The following VWCE variants were observed in gnomAD, a reference collection of about 807,000 sequenced individuals.
VWCE encodes von Willebrand factor C and EGF domain-containing protein.
VWCE carries 68 observed loss-of-function variants against 102.9 expected under a neutral mutation model. The observed-to-expected ratio is 0.66, with a 90% CI of 0.54 to 0.81. The LOEUF is 0.81. Ranked by LOEUF, VWCE falls within the 30% of genes least tolerant of loss-of-function variation. The pLI, the probability that VWCE is intolerant of heterozygous loss-of-function variation, is 0.00. For missense variants in VWCE, 1,137 were observed against 1,263.6 expected, an observed-to-expected ratio of 0.90 and a Z score of 1.52; for synonymous variants, 497 against 515.4, an observed-to-expected ratio of 0.96 and a Z score of 0.48.
Position 61,294,935 on chromosome 11 carries a change from C to A in VWCE, c.103G>T (p.Ala35Ser), listed in dbSNP as rs1374818191. 1 of 1,439,148 alleles carries A rather than the reference C, an allele frequency of 6.9e-7. No homozygotes were observed. Among genetic ancestry groups the A allele is most frequent in the Non-Finnish European group, 9.1e-7 (1 of 1,094,788 alleles). 89.1% of individuals were successfully genotyped at this position (1,439,148 alleles called of 1,614,324 possible). Residue 35 changes from alanine (A) to serine (S), a missense_variant, in exon 1 of 20, where the codon GCC (alanine) becomes TCC (serine). Physicochemically the swap from Ala to Ser is moderately conservative, Grantham distance 99. Around this residue, in one of 5 missense-constraint regions of VWCE, gnomAD observed 575 missense variants for 625.9 expected, o/e 0.92. Transcript: ENST00000335613. This position sits in a 1 kb window ranked among gnomAD's most constrained non-coding sequence, Gnocchi z 6.3. ...GGAGCTCCGGGCGCTTACCTCTCGGCCGCGAAGTGCCCGGGCGGCTTCCTC... is the reference window on the plus strand; with the variant it reads ...GGAGCTCCGGGCGCTTACCTCTCGGACGCGAAGTGCCCGGGCGGCTTCCTC... Reference protein sequence around the residue: ...TGRKPPGHFAAERRRLGPHVC... With the variant: ...TGRKPPGHFASERRRLGPHVC...
intron 19 of VWCE, among the ~76,000 whole-genome samples, chr11:61,262,732 G>A (rs1460589571): frequency 6.6e-6 from 1 of 152,170 alleles, no homozygotes; most frequent in Non-Finnish European, 1.5e-5. Context: ...GGTCAAAGGA[G>A]TTAAACAAAT....
Position 61,294,259 on chromosome 11 carries a change from C to T in VWCE, c.110+669G>A, listed in dbSNP as rs924280358. On this transcript the variant is annotated intron_variant, in intron 1 of 19. Transcript: ENST00000335613. The surrounding 1 kb of genome is among the most constrained non-coding windows in gnomAD (Gnocchi z 6.3). ...GCTACAAGCCTGGCCGGGCCGCCCC[C>T]GCTGCGCGCCCCCCGGAGGACGTGG... is the stretch of plus-strand genomic sequence containing the variant. Among the ~76,000 whole-genome samples, 18 of 152,178 alleles carry T rather than the reference C, an allele frequency of 1.2e-4. No individual in the cohort carries two copies. Among genetic ancestry groups the T allele is most frequent in the Non-Finnish European group, 2.2e-4 (15 of 68,004 alleles).
chr11:61,269,201 G>A (rs1028690364), intron 14 of VWCE, 183 bp from the exon 15 acceptor site: 38 of 599,100 alleles, frequency 6.3e-5, no homozygotes, highest in Non-Finnish European at 6.0e-5. Context: ...GGCCATGTGA[G>A]CCTTCCAGGA....
Position 61,268,955 on chromosome 11 carries a change from T to C in VWCE, c.1849A>G (p.Ile617Val). ...CAGTCTGGGCAGCACTGTCCAGGGA[T>C]CCGGATCGGGTGAGGGCAGGAGTCC... ...CVDSCPHPIR[I>V]PGQCCPDCSA... Residue 617 changes from isoleucine (I) to valine (V), a missense_variant, in exon 15 of 20, where the codon ATC becomes GTC. Ile to Val is a conservative substitution (Grantham distance 29). This residue lies in a region of VWCE where 212 missense variants were observed against 235.1 expected (regional missense o/e 0.90). Coordinates refer to ENST00000335613, the MANE Select transcript of VWCE (RefSeq NM_152718.2). 3 of 1,614,110 alleles carry C rather than the reference T, an allele frequency of 1.9e-6. No homozygotes were observed. Among genetic ancestry groups the C allele is most frequent in the Non-Finnish European group, 2.5e-6 (3 of 1,180,022 alleles).
intron 5 of VWCE, among the ~76,000 whole-genome samples, chr11:61,284,180 A>G (rs1053300555): frequency 1.3e-5 from 2 of 152,058 alleles, no homozygotes; most frequent in African/African-American, 4.8e-5. Flanking sequence ...CCTGGGCAAC[A>G]CAGCAAGACC....
In VWCE at chr11:61,274,491, C is replaced by CA. The variant is rs1195295334; in HGVS notation, c.1581+7dup. The CA allele has an allele frequency of 1.2e-6, 2 of 1,612,470 alleles. No homozygotes were observed. The highest frequency in any genetic ancestry group is 2.7e-5 in the African/African-American group (2 of 74,880). On this transcript the variant is annotated splice_region_variant and intron_variant, in intron 12 of 19. Transcript: ENST00000335613. The stretch of plus-strand genomic sequence containing the variant: ...TTCCACAGGCTTTGGGACGCTCAGC[C>CA]ACCATACCTGGCAAACACAGGTGGT...
At chr11:61,260,740 C>A (rs1854330145) in intron 19 of VWCE, among the ~76,000 whole-genome samples, 1 of 152,114 alleles carries the variant, frequency 6.6e-6, no homozygotes, top group African/African-American at 2.4e-5. Flanking sequence ...TGCTGAATAT[C>A]CATGTGTCAC....
At chr11:61,273,447 C>G in intron 12 of VWCE, 131 bp from the exon 13 acceptor site, 1 of 847,088 alleles carries the variant, frequency 1.2e-6, no homozygotes, top group South Asian at 1.8e-5. Context: ...AAGAAATCTA[C>G]TAAAGTGAAA....
chr11:61,273,143 C>G lies in VWCE; in HGVS notation c.1699+56G>C, dbSNP rs1215676627. ...AGCAGTCTCAGCAGCAGGTGAAGCT[C>G]AGCCTCTCTCCCCAGTATCCATGCC... is the stretch of plus-strand genomic sequence containing the variant. On this transcript the variant is annotated intron_variant, in intron 13 of 19. Transcript: ENST00000335613. The G allele has an allele frequency of 1.9e-6, 3 of 1,560,850 alleles. No individual in the cohort carries two copies. In the Admixed American group the frequency reaches 5.0e-5, roughly 26 times the overall value.
chr11:61,287,276 G>A (rs1018893702), intron 4 of VWCE, among the ~76,000 whole-genome samples: 17 of 152,076 alleles, frequency 1.1e-4, no homozygotes, highest in African/African-American at 4.1e-4. Flanking sequence ...GAAGGTCACT[G>A]GCTATGAGGA....
chr11:61,261,587 A>AC (rs1854361885), intron 19 of VWCE, among the ~76,000 whole-genome samples: 1 of 152,036 alleles, frequency 6.6e-6, no homozygotes, highest in Admixed American at 6.6e-5. Flanking sequence ...AAAAAAAAAA[A>AC]AGTAAAAAAA....
chr11:61,265,969 C>A (rs1008552271), intron 16 of VWCE, among the ~76,000 whole-genome samples: 1 of 152,000 alleles, frequency 6.6e-6, no homozygotes, highest in African/African-American at 2.4e-5. Flanking sequence ...TCGTTTGAAC[C>A]TGGGAGGCGG....
At chr11:61,266,505 G>A (rs944609002) in intron 16 of VWCE, among the ~76,000 whole-genome samples, 2 of 151,814 alleles carry the variant, frequency 1.3e-5, no homozygotes, top group East Asian at 1.9e-4. Flanking sequence ...CCAAGATCAC[G>A]CTACTGCACT....
chr11:61,282,325 T>C (rs1855169941), intron 6 of VWCE, among the ~76,000 whole-genome samples: 1 of 152,148 alleles, frequency 6.6e-6, no homozygotes. Flanking sequence ...TAGAACAAGG[T>C]CTTTTTTCAG....
Position 61,282,830 on chromosome 11 carries a change from C to A in VWCE, c.617G>T (p.Arg206Leu), listed in dbSNP as rs749146748. 9.3e-6 allele frequency: 15 copies of A among 1,614,204 alleles called. No individual in the cohort carries two copies. The highest frequency in any genetic ancestry group is 1.3e-5 in the Non-Finnish European group (15 of 1,180,036). The change falls in exon 6 of 20, where the codon CGA (arginine) becomes CTA (leucine). Residue 206 changes from arginine to leucine, a missense_variant. Coordinates refer to ENST00000335613, the MANE Select transcript of VWCE (RefSeq NM_152718.2). The stretch of plus-strand genomic sequence containing the variant: ...GTTGCCATGAAGGTGGAAGCCAGTT[C>A]GACAGGAACACTTGTAGCTGCCAAT... ...NSIGSYKCSC[R>L]TGFHLHGNRH... is the part of the protein sequence containing the mutation.
rs1855519622 is a variant in VWCE at position 61,292,031 on chromosome 11, T to C, written c.111-455A>G. On this transcript the variant is annotated intron_variant, in intron 1 of 19. Coordinates refer to ENST00000335613, the MANE Select transcript of VWCE (RefSeq NM_152718.2). ...TGAGCCCAGGAGTTTGAGACCAGCC[T>C]GGGCAACATGGTGAAACCTCGTTTC... is the stretch of plus-strand genomic sequence containing the variant. 2.6e-5 allele frequency among the ~76,000 whole-genome samples: 4 copies of C among 152,182 alleles called. No homozygotes were observed. The South Asian group carries it at 8.3e-4, about 32-fold the overall frequency.
chr11:61,270,470 T>A (rs1288966637), intron 14 of VWCE, among the ~76,000 whole-genome samples: 1 of 152,224 alleles, frequency 6.6e-6, no homozygotes, highest in Non-Finnish European at 1.5e-5. Context: ...TGTATTAGAT[T>A]GGTGCAAAAG....
At chr11:61,286,502 G>A in intron 4 of VWCE, 72 bp from the exon 5 acceptor site, 2 of 1,447,190 alleles carry the variant, frequency 1.4e-6, no homozygotes, top group Non-Finnish European at 1.9e-6. Flanking sequence ...TCAGTGTCTG[G>A]GAAGAAAGCA....
At chr11:61,276,728 G>A in intron 10 of VWCE, 48 bp from the exon 11 acceptor site, 1 of 1,463,338 alleles carries the variant, frequency 6.8e-7, no homozygotes, top group South Asian at 1.4e-5. Flanking sequence ...TGTGGAACAG[G>A]GTTCATTCCC....
Sources: gnomAD v4.1 joint callset for allele counts (sites outside exome capture counted in the v4.1 genomes callset) on GRCh38, gnomAD v4.1.1 for gene constraint, gnomAD v4.1.1 regional missense constraint, Gnocchi (gnomAD v3.1) non-coding constraint, MANE v1.5 for transcripts, NCBI Gene and HGNC (gene_info 2026-07-23, HGNC 2026-07-21) for gene names.